The following SLC6A4 variants were observed in gnomAD, a reference collection of about 807,000 sequenced individuals.
SLC6A4 encodes the protein solute carrier family 6 member 4, also known as sodium-dependent serotonin transporter.
SLC6A4 carries 22 observed loss-of-function variants against 73.4 expected under a neutral mutation model. The ratio of observed to expected loss-of-function variants is 0.30; its 90% CI spans 0.21 to 0.43. The LOEUF is 0.43. SLC6A4 is among the 20% of genes least tolerant of loss of function. SLC6A4 has a pLI of 1.00. For missense variants in SLC6A4, 593 were observed against 808.5 expected (o/e 0.73, Z 3.23); for synonymous variants, 270 against 315.5 (o/e 0.86, Z 1.53).
At chr17:30,234,195 A>G (rs1907201523) in intron 1 of SLC6A4, among the ~76,000 whole-genome samples, 1 of 151,958 alleles carries the variant, frequency 6.6e-6, no homozygotes, top group Non-Finnish European at 1.5e-5. Flanking sequence ...CTCCTAGTAT[A>G]TATATATTTC....
chr17:30,217,957 G>A (rs1042628759), intron 5 of SLC6A4, among the ~76,000 whole-genome samples, 161 bp downstream of exon 5: 1 of 152,174 alleles, frequency 6.6e-6, no homozygotes, highest in Non-Finnish European at 1.5e-5. Flanking sequence ...AGCACTTGAG[G>A]TAGAGTTTCC....
At chr17:30,198,868 G>C (rs939540959) in intron 14 of SLC6A4, among the ~76,000 whole-genome samples, 1 of 152,156 alleles carries the variant, frequency 6.6e-6, no homozygotes, top group Non-Finnish European at 1.5e-5. Context: ...TCTCTGGACA[G>C]AGGAGACTTC....
rs894907377 is a variant in SLC6A4, at chr17:30,210,286, C to T, written c.1449+229G>A. ...GAAGCCTGAAATCTAGTGGGATCTG[C>T]GGTAAAATGCTGACAGCCCCTGGAT... is the stretch of plus-strand genomic sequence containing the variant. On this transcript the variant is annotated intron_variant, in intron 11 of 14. Transcript: ENST00000650711. 7.2e-5 allele frequency among the ~76,000 whole-genome samples: 11 copies of T among 152,182 alleles called. No homozygotes were observed. In the East Asian group the frequency reaches 1.2e-3, roughly 16 times the overall value.
intron 8 of SLC6A4, among the ~76,000 whole-genome samples, chr17:30,214,059 T>A (rs55675102): frequency 0.013 from 1,924 of 152,270 alleles, 35 homozygotes; most frequent in African/African-American, 0.044. Flanking sequence ...GTGGGTGATA[T>A]TTAAAACCAT....
At chr17:30,227,050 C>T (rs9896947) in intron 1 of SLC6A4, among the ~76,000 whole-genome samples, 12,621 of 152,224 alleles carry the variant, frequency 0.083, 1,710 homozygotes, top group African/African-American at 0.29. Context: ...GCCGCTGGCT[C>T]GCCGCGGCGT....
At chr17:30,225,714 A>G (rs1597644854) in intron 1 of SLC6A4, among the ~76,000 whole-genome samples, 1 of 151,864 alleles carries the variant, frequency 6.6e-6, no homozygotes, top group Admixed American at 6.6e-5. Flanking sequence ...GGTGCCGTGG[A>G]CCCCACCTCT....
In SLC6A4 at chr17:30,212,867, T is replaced by C; in HGVS notation, c.1077A>G (p.Gln359=). Reference sequence around the variant, plus strand: ...TCACCACGCTGGTCACCAGGGCATCTCTGGAGGGGAAAACCCAAGGGGCCG... The same window carrying C: ...TCACCACGCTGGTCACCAGGGCATCCCTGGAGGGGAAAACCCAAGGGGCCG... ...SYNKFNNNCY[Q]DALVTSVVNC... Residue 359 remains glutamine (Q), a splice_region_variant and synonymous_variant, in exon 9 of 15, where the codon CAA becomes CAG. Transcript: ENST00000650711. 6.2e-7 allele frequency: 1 copy of C among 1,614,030 alleles called. No homozygotes were observed. Among genetic ancestry groups the C allele is most frequent in the Non-Finnish European group, 8.5e-7 (1 of 1,179,982 alleles).
At chr17:30,203,096 C>T in intron 14 of SLC6A4, 76 bp downstream of exon 14, 1 of 1,214,952 alleles carries the variant, frequency 8.2e-7, no homozygotes. Flanking sequence ...TTGAATAGAG[C>T]ATAACAAGAT....
chr17:30,234,316 G>A (rs1661195483), intron 1 of SLC6A4, among the ~76,000 whole-genome samples: 1 of 152,308 alleles, frequency 6.6e-6, no homozygotes, highest in African/African-American at 2.4e-5. Context: ...GATTAATTGT[G>A]AAGCACTTTC....
intron 5 of SLC6A4, among the ~76,000 whole-genome samples, chr17:30,217,590 T>G (rs989310090): frequency 6.6e-6 from 1 of 152,198 alleles, no homozygotes; most frequent in Non-Finnish European, 1.5e-5. Context: ...GACTGGCTTT[T>G]GGGAACATGA....
chr17:30,231,324 T>A (rs77658280), intron 1 of SLC6A4, among the ~76,000 whole-genome samples: 5,166 of 151,146 alleles, frequency 0.034, 288 homozygotes, highest in African/African-American at 0.12. Context: ...CAGATATATA[T>A]ATACACACTA....
intron 5 of SLC6A4, 130 bp from the exon 6 acceptor site, chr17:30,217,434 G>T: frequency 1.1e-6 from 1 of 872,734 alleles, no homozygotes; most frequent in Non-Finnish European, 1.7e-6. Flanking sequence ...GGTCACTGAG[G>T]CCCAGGAAGA....
chr17:30,202,460 C>T (rs1846806109), intron 14 of SLC6A4, among the ~76,000 whole-genome samples: 1 of 152,200 alleles, frequency 6.6e-6, no homozygotes, highest in South Asian at 2.1e-4. Flanking sequence ...TTATTCCCCA[C>T]CTCAGTGTCC....
chr17:30,232,985 A>T (rs1907159381), intron 1 of SLC6A4, among the ~76,000 whole-genome samples: 1 of 152,188 alleles, frequency 6.6e-6, no homozygotes, highest in Non-Finnish European at 1.5e-5. Flanking sequence ...AGGGAAGATC[A>T]TTGATGCCAG....
chr17:30,200,599 T>A (rs1290944044), intron 14 of SLC6A4, among the ~76,000 whole-genome samples: 1 of 152,212 alleles, frequency 6.6e-6, no homozygotes, highest in Admixed American at 6.5e-5. Context: ...TATATGAGGC[T>A]TCCCTCCCTC....
At chr17:30,201,624 C>T (rs558518498) in intron 14 of SLC6A4, among the ~76,000 whole-genome samples, 132 of 152,284 alleles carry the variant, frequency 8.7e-4, no homozygotes, top group African/African-American at 3.1e-3. Flanking sequence ...GGAAGGAATG[C>T]GTTCAATGAC....
At chr17:30,209,057 C>T (rs1440078669) in intron 12 of SLC6A4, 86 bp downstream of exon 12, 13 of 926,994 alleles carry the variant, frequency 1.4e-5, no homozygotes, top group African/African-American at 6.6e-5. Flanking sequence ...CTGCCCCTCA[C>T]AGCCTTTTTT....
chr17:30,218,012 C>T (rs776875129), intron 5 of SLC6A4, 106 bp downstream of exon 5: 6 of 820,060 alleles, frequency 7.3e-6, no homozygotes, highest in Non-Finnish European at 1.2e-5. Context: ...CTTCATCTCT[C>T]AGAAAGGGGT....
intron 3 of SLC6A4, 88 bp downstream of exon 3, chr17:30,221,528 C>T (rs1001150670): frequency 1.9e-5 from 23 of 1,213,294 alleles, no homozygotes; most frequent in Middle Eastern, 2.7e-4. Flanking sequence ...GCAGCCCACC[C>T]GGGTCACAGC....
Sources: gnomAD v4.1 joint callset for allele counts (sites outside exome capture counted in the v4.1 genomes callset) on GRCh38, gnomAD v4.1.1 for gene constraint, MANE v1.5 for transcripts, NCBI Gene and HGNC (gene_info 2026-07-23, HGNC 2026-07-21) for gene names.